TANC2: variants seen among roughly 807,000 people sequenced by gnomAD.
TANC2 encodes the protein protein TANC2.
In TANC2, 26 loss-of-function variants were observed where a neutral mutation model predicts 210.5. That is an observed-to-expected ratio of 0.12 (90% CI 0.09 to 0.17). The LOEUF is 0.17. Among genes scored for constraint, TANC2 ranks in the 10% least tolerant of loss-of-function variants. TANC2 has a pLI of 1.00. For missense variants in TANC2, 2,129 were observed against 2,608.9 expected, an observed-to-expected ratio of 0.82 and a Z score of 4.01; for synonymous variants, 931 against 967.1, an observed-to-expected ratio of 0.96 and a Z score of 0.69.
chr17:63,041,395 T>C (rs1193968228), intron 2 of TANC2, among the ~76,000 whole-genome samples: 1 of 152,106 alleles, frequency 6.6e-6, no homozygotes, highest in Non-Finnish European at 1.5e-5. Flanking sequence ...GAAATCTGAT[T>C]GGTTCCTCAC....
intron 9 of TANC2, among the ~76,000 whole-genome samples, chr17:63,309,449 G>A (rs2045042054): frequency 6.6e-6 from 1 of 152,052 alleles, no homozygotes; most frequent in African/African-American, 2.4e-5. Context: ...TTATGTCAAA[G>A]ATAAACATTT....
At chr17:63,004,750 C>A in intron 1 of TANC2, 1 of 332,946 alleles carries the variant, frequency 3.0e-6, no homozygotes, top group South Asian at 3.0e-5. Context: ...AGTGCCTGCT[C>A]TGTTTTGGCA....
Position 63,051,289 on chromosome 17 carries a change from A to G in TANC2, c.68-22654A>G, listed in dbSNP as rs1195087717. On this transcript the variant is annotated intron_variant, in intron 2 of 27. Transcript: ENST00000689528. ...TACATTGAACTCTTTAGATTTCTCT[A>G]AGTGACCTTTTCTTTCATTTGTGTC... is the stretch of plus-strand genomic sequence containing the variant. Among the ~76,000 whole-genome samples the G allele has an allele frequency of 5.9e-5, 9 of 152,184 alleles. No homozygotes were observed. In the South Asian group the frequency reaches 6.2e-4, roughly 11 times the overall value.
chr17:63,002,611 C>A (rs959797952), intron 1 of TANC2, among the ~76,000 whole-genome samples: 2 of 152,132 alleles, frequency 1.3e-5, no homozygotes, highest in African/African-American at 4.8e-5. Context: ...TAGAATATTA[C>A]CATCATCCTA....
chr17:63,145,443 C>G (rs979595334), intron 4 of TANC2, among the ~76,000 whole-genome samples: 1 of 152,118 alleles, frequency 6.6e-6, no homozygotes, highest in African/African-American at 2.4e-5. Context: ...ATATAGTTTT[C>G]TCTTTCCAGA....
rs536194524 is a variant in TANC2 at position 63,272,121 on chromosome 17, G to A, written c.1159+4248G>A. On this transcript the variant is annotated intron_variant, in intron 9 of 27. Coordinates refer to ENST00000689528, the Ensembl canonical transcript of TANC2. ...CATTTAAGTCTTTAATTCATCTTGAGTGAATTTTCTTATGTGGTGTAAGGA... is the reference window on the plus strand; with the variant it reads ...CATTTAAGTCTTTAATTCATCTTGAATGAATTTTCTTATGTGGTGTAAGGA... 2.6e-5 allele frequency among the ~76,000 whole-genome samples: 4 copies of A among 152,210 alleles called. No individual in the cohort carries two copies. The East Asian group carries it at 7.7e-4, about 29-fold the overall frequency.
At chr17:62,968,979 C>G (rs1175760858) in intron 1 of TANC2, among the ~76,000 whole-genome samples, 2 of 152,130 alleles carry the variant, frequency 1.3e-5, no homozygotes, top group African/African-American at 4.8e-5. Context: ...ATGCCAAAAT[C>G]CTTGCATGCT....
chr17:62,992,877 C>T (rs971943844), intron 1 of TANC2, among the ~76,000 whole-genome samples: 1 of 152,190 alleles, frequency 6.6e-6, no homozygotes. Flanking sequence ...TCTTACAGTT[C>T]TGGAAGTCAG....
intron 2 of TANC2, among the ~76,000 whole-genome samples, chr17:63,068,274 C>A (rs1029065447): frequency 6.6e-6 from 1 of 152,032 alleles, no homozygotes; most frequent in East Asian, 1.9e-4. Context: ...GATACCAATT[C>A]GCGTTGTTTA....
At chr17:63,386,821 A>C (rs2047795542) in intron 15 of TANC2, among the ~76,000 whole-genome samples, 1 of 151,980 alleles carries the variant, frequency 6.6e-6, no homozygotes, top group African/African-American at 2.4e-5. Context: ...TGAAATGTAG[A>C]AGTCTTTTTT....
chr17:63,315,807 C>T (rs1013438656), intron 10 of TANC2, among the ~76,000 whole-genome samples: 1 of 152,146 alleles, frequency 6.6e-6, no homozygotes, highest in African/African-American at 2.4e-5. Flanking sequence ...AGGCAGATGG[C>T]CTCTGATAAA....
chr17:63,303,409 G>A (rs1477059368), intron 9 of TANC2, among the ~76,000 whole-genome samples: 1 of 152,126 alleles, frequency 6.6e-6, no homozygotes, highest in Non-Finnish European at 1.5e-5. Flanking sequence ...CTTTAAGAAT[G>A]TTGAATATTG....
chr17:62,987,091 G>C (rs776829583), intron 1 of TANC2, among the ~76,000 whole-genome samples: 1 of 152,274 alleles, frequency 6.6e-6, no homozygotes, highest in Non-Finnish European at 1.5e-5. Context: ...TCTCCCGCTG[G>C]GGGAGTACAT....
chr17:63,186,492 A>G, intron 5 of TANC2, among the ~76,000 whole-genome samples: 1 of 151,742 alleles, frequency 6.6e-6, no homozygotes, highest in East Asian at 1.9e-4. Context: ...AGCTGGGATT[A>G]CAGGCACCTG....
rs1232626335 is a variant in TANC2 at position 63,412,012 on chromosome 17, A to G, written c.3780A>G (p.Val1260=). ...CCGTGTCCTAGGTCCAGTTCCTGGT[A>G]GATCATGGGGCCATGATCGAGCACG... The change falls in exon 23 of 28, where the codon GTA becomes GTG. Residue 1260 remains valine, a synonymous_variant. Coordinates refer to ENST00000689528, the Ensembl canonical transcript of TANC2. This position sits in a 1 kb window ranked among gnomAD's most constrained non-coding sequence, Gnocchi z 4.2. 54 of 1,613,790 alleles carry G rather than the reference A, an allele frequency of 3.3e-5. No individual in the cohort carries two copies. The highest frequency in any genetic ancestry group is 4.5e-5 in the Non-Finnish European group (53 of 1,179,878).
intron 8 of TANC2, among the ~76,000 whole-genome samples, chr17:63,266,449 A>G (rs57345980): frequency 0.021 from 3,211 of 152,242 alleles, 104 homozygotes; most frequent in African/African-American, 0.072. Context: ...CATCATAAAC[A>G]ACTTATATAT....
intron 12 of TANC2, among the ~76,000 whole-genome samples, chr17:63,350,352 C>T (rs993057479): frequency 6.6e-6 from 1 of 152,314 alleles, no homozygotes; most frequent in South Asian, 2.1e-4. Context: ...TAACAAATAA[C>T]TTTTATTTGT....
intron 14 of TANC2, among the ~76,000 whole-genome samples, chr17:63,366,499 T>G (rs1345123309): frequency 6.6e-6 from 1 of 152,194 alleles, no homozygotes; most frequent in Non-Finnish European, 1.5e-5. Context: ...AGTGGAGTCA[T>G]AGCTCTTCTG....
intron 2 of TANC2, among the ~76,000 whole-genome samples, chr17:63,058,573 T>A (rs1425593351): frequency 6.6e-6 from 1 of 152,248 alleles, no homozygotes; most frequent in Non-Finnish European, 1.5e-5. Context: ...TTTGAGTCTT[T>A]ACTCAATCTT....
Sources: gnomAD v4.1 joint callset for allele counts (sites outside exome capture counted in the v4.1 genomes callset) on GRCh38, gnomAD v4.1.1 for gene constraint, Gnocchi (gnomAD v3.1) non-coding constraint, MANE v1.5 for transcripts, NCBI Gene and HGNC (gene_info 2026-07-23, HGNC 2026-07-21) for gene names.